PRKN: variants seen among roughly 807,000 people sequenced by gnomAD.
The protein encoded by PRKN is parkin RBR E3 ubiquitin protein ligase.
PRKN carries 56 observed loss-of-function variants against 59.5 expected under a neutral mutation model. The ratio of observed to expected loss-of-function variants is 0.94; its 90% CI spans 0.76 to 1.18. The LOEUF (loss-of-function observed/expected upper bound fraction) is 1.18, where lower values mean the gene tolerates loss of function less well. PRKN is among the 50% of genes most tolerant of loss of function. The probability of loss-of-function intolerance (pLI) is 0.00; values close to 1 mark genes in which losing one functional copy is unlikely to be tolerated. For synonymous variants in PRKN, 250 were observed against 222.1 expected, an observed-to-expected ratio of 1.13 and a Z score of -1.12; for missense variants, 657 against 596.4, an observed-to-expected ratio of 1.10 and a Z score of -1.06.
chr6:162,500,480 C>T (rs1793316814), intron 1 of PRKN, among the ~76,000 whole-genome samples: 1 of 152,160 alleles, frequency 6.6e-6, no homozygotes, highest in African/African-American at 2.4e-5. Flanking sequence ...CCCAAACAGC[C>T]ATTCTTACTG....
At chr6:162,248,403 C>T (rs1779287950) in intron 3 of PRKN, among the ~76,000 whole-genome samples, 1 of 152,088 alleles carries the variant, frequency 6.6e-6, no homozygotes, top group Admixed American at 6.6e-5. Context: ...GTAATTAATC[C>T]AGCCTTTTAT....
chr6:162,615,674 C>T (rs1782379020), intron 1 of PRKN, among the ~76,000 whole-genome samples: 1 of 152,194 alleles, frequency 6.6e-6, no homozygotes. Context: ...GCTAACACCT[C>T]CTCTTATTCC....
intron 6 of PRKN, among the ~76,000 whole-genome samples, chr6:161,903,897 C>G (rs1778030652): frequency 6.6e-6 from 1 of 151,130 alleles, no homozygotes; most frequent in Non-Finnish European, 1.5e-5. Context: ...AGTCAAATAA[C>G]TATGGCTGCA....
chr6:161,382,448 G>C (rs1441585971), intron 10 of PRKN, among the ~76,000 whole-genome samples: 1 of 152,192 alleles, frequency 6.6e-6, no homozygotes, highest in Non-Finnish European at 1.5e-5. Context: ...CTCTTCTGCG[G>C]CTTTAGAGAG....
At chr6:162,385,060 C>T (rs1031804710) in intron 2 of PRKN, among the ~76,000 whole-genome samples, 1 of 150,952 alleles carries the variant, frequency 6.6e-6, no homozygotes. Context: ...ACTCCTGCAG[C>T]CTATTCTATT....
chr6:161,765,826 G>C lies in PRKN; in HGVS notation c.871+19946C>G, dbSNP rs972763491. Among the ~76,000 whole-genome samples, 13 of 152,280 alleles carry C rather than the reference G, an allele frequency of 8.5e-5. 1 individual carries two copies. Among genetic ancestry groups the C allele is most frequent in the Admixed American group, 6.5e-4 (10 of 15,296 alleles). The stretch of plus-strand genomic sequence containing the variant: ...ACAATAAAAACTCACCAAGATCACT[G>C]ATTTTGTTGAAATGAAGAGAAAGTA... On this transcript the variant is annotated intron_variant, in intron 7 of 11. Transcript: ENST00000366898.
At chr6:162,242,814 A>C (rs1779036092) in intron 3 of PRKN, among the ~76,000 whole-genome samples, 1 of 152,156 alleles carries the variant, frequency 6.6e-6, no homozygotes, top group Non-Finnish European at 1.5e-5. Context: ...CTTCTGTTGC[A>C]AAATGGCAAT....
intron 6 of PRKN, among the ~76,000 whole-genome samples, chr6:161,932,682 G>A (rs994156576): frequency 6.6e-6 from 1 of 152,150 alleles, no homozygotes; most frequent in African/African-American, 2.4e-5. Flanking sequence ...TCTGACTTCT[G>A]CTAGTCAGCT....
intron 5 of PRKN, among the ~76,000 whole-genome samples, chr6:162,048,782 G>A (rs1777496570): frequency 6.6e-6 from 1 of 150,924 alleles, no homozygotes; most frequent in Admixed American, 6.6e-5. Context: ...CACATTCAAA[G>A]CTATCCTGGG....
intron 7 of PRKN, among the ~76,000 whole-genome samples, chr6:161,629,124 G>C (rs543802135): frequency 7.2e-5 from 11 of 152,230 alleles, no homozygotes; most frequent in African/African-American, 2.2e-4. Context: ...GGAAGAGGTG[G>C]GGAAGGCAGG....
intron 6 of PRKN, among the ~76,000 whole-genome samples, chr6:161,875,498 A>T (rs1191079927): frequency 6.6e-6 from 1 of 151,908 alleles, no homozygotes. Context: ...TGGCCTGTTT[A>T]TGAATATATT....
At chr6:162,506,488 T>G (rs1484392036) in intron 1 of PRKN, among the ~76,000 whole-genome samples, 1 of 151,898 alleles carries the variant, frequency 6.6e-6, no homozygotes, top group Admixed American at 6.6e-5. Flanking sequence ...GGAGAAAGTC[T>G]ATTTCATTAT....
intron 4 of PRKN, among the ~76,000 whole-genome samples, chr6:162,110,476 C>T (rs1780382472): frequency 6.6e-6 from 1 of 152,162 alleles, no homozygotes; most frequent in African/African-American, 2.4e-5. Context: ...TCATTTTTCT[C>T]AAACTGTTCT....
chr6:162,699,312 T>A (rs1015532387), intron 1 of PRKN, among the ~76,000 whole-genome samples: 6 of 152,160 alleles, frequency 3.9e-5, no homozygotes, highest in Non-Finnish European at 8.8e-5. Context: ...AATCAATATA[T>A]AATCAAATGC....
intron 2 of PRKN, among the ~76,000 whole-genome samples, chr6:162,375,413 T>A (rs1356292298): frequency 6.6e-6 from 1 of 151,990 alleles, no homozygotes; most frequent in Non-Finnish European, 1.5e-5. Context: ...CTGTTTTTTT[T>A]TTTTTCCATT....
chr6:161,757,933 G>GTGTATATATATATATATA (rs1554301354), intron 7 of PRKN, among the ~76,000 whole-genome samples: 2 of 101,432 alleles, frequency 2.0e-5, no homozygotes, highest in African/African-American at 7.6e-5. Flanking sequence ...CTCTCTCTCT[G>GTGTATATATATATATATA]TATATATATG....
At chr6:162,037,372 C>G (rs1407247193) in intron 5 of PRKN, among the ~76,000 whole-genome samples, 1 of 152,028 alleles carries the variant, frequency 6.6e-6, no homozygotes, top group Non-Finnish European at 1.5e-5. Flanking sequence ...GTAAAAGATG[C>G]AAGTTATAAA....
intron 6 of PRKN, among the ~76,000 whole-genome samples, chr6:161,867,038 C>T (rs146012698): frequency 6.6e-6 from 1 of 152,238 alleles, no homozygotes; most frequent in African/African-American, 2.4e-5. Flanking sequence ...ACATGATGAG[C>T]CTCGATTTTG....
chr6:161,851,801 T>C (rs1037439676), intron 6 of PRKN, among the ~76,000 whole-genome samples: 21 of 150,668 alleles, frequency 1.4e-4, no homozygotes, highest in African/African-American at 4.9e-4. Context: ...TAATAGTTAC[T>C]GTGGGCCAGG....
Sources: allele counts gnomAD v4.1 joint callset (sites outside exome capture counted in the v4.1 genomes callset), GRCh38; gene constraint gnomAD v4.1.1; transcripts MANE v1.5; gene names NCBI Gene and HGNC (gene_info 2026-07-23, HGNC 2026-07-21).